The following LIG1 variants were observed in gnomAD, a reference collection of about 807,000 sequenced individuals.
LIG1 encodes DNA ligase 1, also known as ligase I, DNA, ATP-dependent.
LIG1 carries 70 observed loss-of-function variants against 115.7 expected under a neutral mutation model. The observed-to-expected ratio is 0.60, with a 90% confidence interval of 0.50 to 0.74. LIG1 has a LOEUF of 0.74. Among genes scored for constraint, LIG1 ranks in the 30% least tolerant of loss-of-function variants. The pLI is 0.00. For synonymous variants in LIG1, 487 were observed against 495.3 expected (o/e 0.98, Z 0.22); for missense variants, 1,115 against 1,225.6 (o/e 0.91, Z 1.35).
intron 12 of LIG1, among the ~76,000 whole-genome samples, chr19:48,139,138 G>C (rs1024796889): frequency 2.6e-5 from 4 of 152,154 alleles, no homozygotes; most frequent in Non-Finnish European, 5.9e-5. Flanking sequence ...CCGAACCCTG[G>C]GCTCTGAGCC....
intron 3 of LIG1, 121 bp downstream of exon 3, chr19:48,162,141 C>G (rs944305130): frequency 2.3e-6 from 2 of 855,670 alleles, no homozygotes; most frequent in Non-Finnish European, 4.0e-6. Context: ...GACTTCTGGC[C>G]ACCTGGCTGA....
In LIG1 at chr19:48,165,684, T is replaced by C. The variant is rs918726845; in HGVS notation, c.-57-61A>G. ...GGTTGTGCAGAGATCTAAACACACA[T>C]AAAACCCTTTCTTTAAGAAAGAAAG... On this transcript the variant is annotated intron_variant, in intron 1 of 27. Transcript: ENST00000263274. 1.8e-5 allele frequency: 20 copies of C among 1,134,018 alleles called. No homozygotes were observed. The East Asian group carries it at 2.9e-4, about 16-fold the overall frequency. 70.2% of individuals were successfully genotyped at this position (1,134,018 alleles called of 1,614,324 possible). A position where few individuals can be genotyped will look rare whatever the true frequency, so the allele number is the denominator to read the frequency against.
chr19:48,134,654 T>A (rs532667323), intron 16 of LIG1, among the ~76,000 whole-genome samples: 2 of 152,338 alleles, frequency 1.3e-5, no homozygotes, highest in African/African-American at 4.8e-5. Context: ...CGAGACTCCG[T>A]CTCAAACAAA....
intron 18 of LIG1, 81 bp from the exon 19 acceptor site, chr19:48,131,252 CTGG>C (rs1414512818): frequency 3.0e-6 from 3 of 1,011,770 alleles, no homozygotes; most frequent in Admixed American, 1.8e-5. Flanking sequence ...CCCACCTGCA[CTGG>C]TAGAAGGTTC....
intron 24 of LIG1, 51 bp downstream of exon 24, chr19:48,121,119 G>A: frequency 6.2e-7 from 1 of 1,613,696 alleles, no homozygotes; most frequent in South Asian, 1.1e-5. Flanking sequence ...ACCCCCGGGA[G>A]TCTAATCTCC....
In LIG1 at chr19:48,150,158, C is replaced by G; in HGVS notation, c.627G>C (p.Gln209His). 1 of 1,614,212 alleles carries G rather than the reference C, an allele frequency of 6.2e-7. No individual in the cohort carries two copies. The highest frequency in any genetic ancestry group is 8.5e-7 in the Non-Finnish European group (1 of 1,180,040). The change falls in exon 8 of 28, where the codon CAG (glutamine) becomes CAC (histidine). Residue 209 changes from glutamine (Q) to histidine (H), a missense_variant. By Grantham distance (24) the Gln-to-His change is conservative (BLOSUM62 0). Coordinates refer to ENST00000263274, the MANE Select transcript of LIG1 (RefSeq NM_000234.3). ...TCTGCTCTTCCTCCTCCTGCAGTTCCTGCTTCGTGGCCACCTCAGGCTCTG... is the reference window on the plus strand; with the variant it reads ...TCTGCTCTTCCTCCTCCTGCAGTTCGTGCTTCGTGGCCACCTCAGGCTCTG... ...SVSEPEVATK[Q>H]ELQEEEEQTK...
chr19:48,145,312 T>C (rs2035048482), intron 9 of LIG1, among the ~76,000 whole-genome samples: 1 of 152,202 alleles, frequency 6.6e-6, no homozygotes, highest in African/African-American at 2.4e-5. Context: ...AGGAAGCAGC[T>C]TCCCCTCTCT....
At chr19:48,143,994 T>A (rs1247322392) in intron 9 of LIG1, 31 bp from the exon 10 acceptor site, 1 of 1,545,548 alleles carries the variant, frequency 6.5e-7, no homozygotes. Context: ...TTGAATTGCA[T>A]AGAGCCCTGG....
intron 26 of LIG1, chr19:48,116,257 C>G (rs972773826): frequency 1.9e-5 from 7 of 362,372 alleles, no homozygotes; most frequent in Non-Finnish European, 3.7e-5. Flanking sequence ...TCCTGGCTAA[C>G]ACGGTGAAAC....
chr19:48,167,300 C>T (rs1012165334), intron 1 of LIG1, among the ~76,000 whole-genome samples: 4 of 151,892 alleles, frequency 2.6e-5, no homozygotes, highest in Non-Finnish European at 5.9e-5. Context: ...CTAGCAGGAC[C>T]TCTGCGTGGA....
rs146679642 is a variant in LIG1, at chr19:48,133,506, G to A, written c.1610-409C>T. 12 of 314,492 alleles carry A rather than the reference G, an allele frequency of 3.8e-5. No homozygotes were observed. The East Asian group carries it at 9.7e-4, about 25-fold the overall frequency. 19.5% of individuals were successfully genotyped at this position (314,492 alleles called of 1,614,324 possible). On this transcript the variant is annotated intron_variant, in intron 17 of 27. Transcript: ENST00000263274. ...CCCGGGTCATCCCTGGGACACAGCT[G>A]CACACCTGTACCTTCCCTGGCCACC...
intron 21 of LIG1, 140 bp from the exon 22 acceptor site, chr19:48,123,458 C>T: frequency 1.0e-6 from 1 of 955,106 alleles, no homozygotes; most frequent in Non-Finnish European, 1.6e-6. Context: ...GGGAAGAACC[C>T]TGATGTCAGA....
chr19:48,160,246 T>C (rs1305962078), intron 4 of LIG1, among the ~76,000 whole-genome samples: 6 of 152,264 alleles, frequency 3.9e-5, no homozygotes, highest in South Asian at 2.1e-4. Context: ...GAAGCTAACA[T>C]AGGTGGTGAG....
chr19:48,134,138 C>T (rs1418145181), intron 16 of LIG1, 72 bp from the exon 17 acceptor site: 1 of 1,400,606 alleles, frequency 7.1e-7, no homozygotes, highest in Non-Finnish European at 9.9e-7. Context: ...GAGAGCTCGG[C>T]CTGCTCCCAG....
intron 1 of LIG1, chr19:48,169,461 G>C (rs956610814): frequency 6.6e-6 from 1 of 152,250 alleles, no homozygotes; most frequent in Non-Finnish European, 1.5e-5. Flanking sequence ...CAACTTCCTT[G>C]AATCTATAAT....
rs773561212 is a variant in LIG1 at position 48,122,492 on chromosome 19, T to A, written c.2232+442A>T. The A allele has an allele frequency of 3.4e-6, 1 of 295,054 alleles. No homozygotes were observed. The highest frequency in any genetic ancestry group is 6.7e-6 in the Non-Finnish European group (1 of 149,742). 18.3% of individuals were successfully genotyped at this position (295,054 alleles called of 1,614,324 possible). A position where few individuals can be genotyped will look rare whatever the true frequency, so the allele number is the denominator to read the frequency against. On this transcript the variant is annotated intron_variant, in intron 23 of 27. Coordinates refer to ENST00000263274, the MANE Select transcript of LIG1 (RefSeq NM_000234.3). The surrounding 1 kb of genome is among the most constrained non-coding windows in gnomAD (Gnocchi z 4.3). ...CTGCACCGGGGGTTTTCCTCCCTAG[T>A]GCTCTGTCCCTCACTTTGGGAAAGA...
At chr19:48,115,810 C>G (rs2032761092) in intron 27 of LIG1, 63 bp downstream of exon 27, 3 of 1,581,250 alleles carry the variant, frequency 1.9e-6, no homozygotes, top group Non-Finnish European at 2.6e-6. Flanking sequence ...GAGAGGCCAC[C>G]ACGCTAAAAA....
chr19:48,162,692 T>G (rs1805908397), intron 2 of LIG1, among the ~76,000 whole-genome samples: 2 of 152,118 alleles, frequency 1.3e-5, no homozygotes, highest in Admixed American at 1.3e-4. Flanking sequence ...CCTCCCAATG[T>G]GCTGGGATTA....
chr19:48,131,609 C>G (rs981791259), intron 18 of LIG1, among the ~76,000 whole-genome samples: 1 of 152,152 alleles, frequency 6.6e-6, no homozygotes, highest in African/African-American at 2.4e-5. Flanking sequence ...CAGGCGCCCA[C>G]CACCACACCT....
Sources: gnomAD v4.1 joint callset for allele counts (sites outside exome capture counted in the v4.1 genomes callset) on GRCh38, gnomAD v4.1.1 for gene constraint, Gnocchi (gnomAD v3.1) non-coding constraint, MANE v1.5 for transcripts, NCBI Gene and HGNC (gene_info 2026-07-23, HGNC 2026-07-21) for gene names.